PKP2: variants seen among roughly 807,000 people sequenced by gnomAD.
PKP2 encodes the protein plakophilin 2.
In PKP2, 73 loss-of-function variants were observed where a neutral mutation model predicts 83.4. That is an observed-to-expected ratio of 0.88 (90% confidence interval 0.72 to 1.06). PKP2 has a LOEUF of 1.06. PKP2 is among the 50% of genes least tolerant of loss of function. The probability of loss-of-function intolerance (pLI) is 0.00; values close to 1 mark genes in which losing one functional copy is unlikely to be tolerated. For synonymous variants in PKP2, 409 were observed against 430.4 expected, an observed-to-expected ratio of 0.95 and a Z score of 0.62; for missense variants, 966 against 1,065.4, an observed-to-expected ratio of 0.91 and a Z score of 1.30.
chr12:32,795,086 T>C (rs1169982707), intron 11 of PKP2, among the ~76,000 whole-genome samples: 1 of 152,194 alleles, frequency 6.6e-6, no homozygotes, highest in East Asian at 1.9e-4. Context: ...CAATTCAGAA[T>C]TGTATAAAGA....
chr12:32,810,543 G>A (rs1196160266), intron 9 of PKP2, among the ~76,000 whole-genome samples: 1 of 152,092 alleles, frequency 6.6e-6, no homozygotes, highest in Non-Finnish European at 1.5e-5. Flanking sequence ...CCACACCTCT[G>A]CACACTGCTG....
intron 6 of PKP2, among the ~76,000 whole-genome samples, chr12:32,827,866 G>A (rs1956457591): frequency 2.0e-5 from 3 of 152,128 alleles, no homozygotes; most frequent in Admixed American, 2.0e-4. Flanking sequence ...TATTTCCTCT[G>A]GTATAATCAA....
In PKP2 at chr12:32,887,560, T is replaced by C. The variant is rs1378672979; in HGVS notation, c.224-8528A>G. Among the ~76,000 whole-genome samples, 5 of 152,162 alleles carry C rather than the reference T, an allele frequency of 3.3e-5. No homozygotes were observed. The East Asian group carries it at 7.7e-4, about 24-fold the overall frequency. On this transcript the variant is annotated intron_variant, in intron 1 of 12. Transcript: ENST00000340811. Reference sequence around the variant, plus strand: ...CCTCTTCCTCTCAGGATCAAGCGATTCTTGTGCCTCAGCCTTCCGAGTAGC... The same window carrying C: ...CCTCTTCCTCTCAGGATCAAGCGATCCTTGTGCCTCAGCCTTCCGAGTAGC...
chr12:32,894,007 C>T (rs1957098860), intron 1 of PKP2: 1 of 149,362 alleles, frequency 6.7e-6, no homozygotes, highest in Non-Finnish European at 1.5e-5. Context: ...GCAACTTCTA[C>T]CTCCCGGGTT....
At chr12:32,876,419 A>C (rs1411304647) in intron 3 of PKP2, among the ~76,000 whole-genome samples, 1 of 152,220 alleles carries the variant, frequency 6.6e-6, no homozygotes, top group African/African-American at 2.4e-5. Context: ...CATTTTGCTA[A>C]AACTGTGGCT....
At chr12:32,805,926 C>T (rs530885699) in intron 9 of PKP2, among the ~76,000 whole-genome samples, 2 of 152,174 alleles carry the variant, frequency 1.3e-5, no homozygotes, top group Non-Finnish European at 2.9e-5. Context: ...TACCATGAAG[C>T]GATGTCGAAT....
intron 9 of PKP2, among the ~76,000 whole-genome samples, chr12:32,807,411 C>A (rs574358008): frequency 4.6e-5 from 7 of 152,152 alleles, no homozygotes; most frequent in Admixed American, 2.0e-4. Context: ...TATTTTGAGC[C>A]TAAGTGTGTC....
intron 7 of PKP2, 114 bp from the exon 8 acceptor site, chr12:32,822,745 G>T: frequency 8.7e-7 from 1 of 1,148,294 alleles, no homozygotes; most frequent in Non-Finnish European, 1.3e-6. Flanking sequence ...AACTGGGTGT[G>T]CTTAAACTGC....
chr12:32,858,116 T>TA (rs1956770037), intron 4 of PKP2, among the ~76,000 whole-genome samples: 1 of 95,724 alleles, frequency 1.0e-5, no homozygotes, highest in South Asian at 3.3e-4. Flanking sequence ...TATATATATA[T>TA]TTATATATAT....
In PKP2 at chr12:32,791,211, C is replaced by T. The variant is rs1346488954; in HGVS notation, c.*1213G>A. 5 of 113,770 alleles carry T rather than the reference C, an allele frequency of 4.4e-5. No homozygotes were observed. Among genetic ancestry groups the T allele is most frequent in the Admixed American group, 1.7e-4 (2 of 11,926 alleles). 7.0% of individuals were successfully genotyped at this position (113,770 alleles called of 1,614,324 possible). ...AACAACATTTAATGTAGATTCATTT[C>T]GCTGGATGATGTCAACCATTTAAAA... On this transcript the variant is annotated 3_prime_UTR_variant, in exon 13 of 13. Transcript: ENST00000340811.
Position 32,792,452 on chromosome 12 carries a change from G to T in PKP2, c.2486C>A (p.Ala829Asp). The T allele has an allele frequency of 6.2e-7, 1 of 1,613,780 alleles. No individual in the cohort carries two copies. The highest frequency in any genetic ancestry group is 8.5e-7 in the Non-Finnish European group (1 of 1,179,716). ...GTCTTTAAGGGAGTGGTAGGCTTTGGCAGTCCGGCTGTTGACAAAATCTGT... is the reference window on the plus strand; with the variant it reads ...GTCTTTAAGGGAGTGGTAGGCTTTGTCAGTCCGGCTGTTGACAAAATCTGT... ...KKTDFVNSRT[A>D]KAYHSLKD Residue 829 changes from alanine (A) to aspartate (D), a missense_variant, in exon 13 of 13, where the codon GCC becomes GAC. Transcript: ENST00000340811.
At chr12:32,847,127 C>T (rs528206127) in intron 5 of PKP2, among the ~76,000 whole-genome samples, 2 of 152,132 alleles carry the variant, frequency 1.3e-5, no homozygotes, top group South Asian at 4.1e-4. Flanking sequence ...AAGAAATAGA[C>T]CAGTAAGATT....
chr12:32,825,224 A>G (rs1956425664), intron 6 of PKP2, among the ~76,000 whole-genome samples: 1 of 129,660 alleles, frequency 7.7e-6, no homozygotes, highest in South Asian at 2.5e-4. Flanking sequence ...GCTGGAGTGC[A>G]GTGGCGCGAT....
rs184037478 is a variant in PKP2 at position 32,861,379 on chromosome 12, T to C, written c.1170+7548A>G. ...ATGTTAAATAGAAACATAGAAGACATAAAAACACTGAAATCTAAATTTTAG... is the reference window on the plus strand; with the variant it reads ...ATGTTAAATAGAAACATAGAAGACACAAAAACACTGAAATCTAAATTTTAG... On this transcript the variant is annotated intron_variant, in intron 4 of 12. Transcript: ENST00000340811. Among the ~76,000 whole-genome samples, 719 of 152,144 alleles carry C rather than the reference T, an allele frequency of 4.7e-3. 6 individuals carry two copies. The highest frequency in any genetic ancestry group is 0.017 in the African/African-American group (696 of 41,506).
At chr12:32,833,204 C>T (rs1956515980) in intron 6 of PKP2, among the ~76,000 whole-genome samples, 1 of 152,146 alleles carries the variant, frequency 6.6e-6, no homozygotes, top group Non-Finnish European at 1.5e-5. Context: ...GATCATGCCA[C>T]TGCACTCCAG....
intron 4 of PKP2, among the ~76,000 whole-genome samples, chr12:32,858,087 ATATATAT>A (rs1956768038): frequency 1.8e-4 from 10 of 56,336 alleles, no homozygotes; most frequent in East Asian, 6.3e-4. Context: ...AAAAAAAAAT[ATATATAT>A]ATATATATAT....
chr12:32,878,515 C>A lies in PKP2; in HGVS notation c.365G>T (p.Arg122Leu), dbSNP rs201306582. Reference sequence around the variant, plus strand: ...GTACTGTGCTGTTCCTCTTCCCCAGCGACCTTCATAAGTGGCAGTTGTGCC... The same window carrying A: ...GTACTGTGCTGTTCCTCTTCCCCAGAGACCTTCATAAGTGGCAGTTGTGCC... ...KAGTTATYEG[R>L]WGRGTAQYSS... is the part of the protein sequence containing the mutation. Residue 122 changes from arginine to leucine, a missense_variant, in exon 3 of 13, where the codon CGC becomes CTC. Coordinates refer to ENST00000340811, the MANE Select transcript of PKP2 (RefSeq NM_001005242.3). 6 of 1,611,984 alleles carry A rather than the reference C, an allele frequency of 3.7e-6. No homozygotes were observed. The highest frequency in any genetic ancestry group is 5.1e-6 in the Non-Finnish European group (6 of 1,179,082).
At chr12:32,806,203 G>A (rs1367298440) in intron 9 of PKP2, among the ~76,000 whole-genome samples, 1 of 152,152 alleles carries the variant, frequency 6.6e-6, no homozygotes, top group African/African-American at 2.4e-5. Context: ...CCAGGTTTTG[G>A]TATCAGGATG....
intron 6 of PKP2, among the ~76,000 whole-genome samples, chr12:32,839,061 C>T (rs1350580231): frequency 6.6e-6 from 1 of 152,098 alleles, no homozygotes; most frequent in East Asian, 1.9e-4. Context: ...TAAGGAAAAG[C>T]AAGCACTTTG....
Sources: gnomAD v4.1 joint callset for allele counts (sites outside exome capture counted in the v4.1 genomes callset) on GRCh38, gnomAD v4.1.1 for gene constraint, MANE v1.5 for transcripts, NCBI Gene and HGNC (gene_info 2026-07-23, HGNC 2026-07-21) for gene names.